EPSTI1: variants seen among roughly 807,000 people sequenced by gnomAD.
EPSTI1 encodes the protein epithelial-stromal interaction protein 1.
A neutral mutation model predicts 49.9 loss-of-function variants in EPSTI1; 66 were observed. The ratio of observed to expected loss-of-function variants is 1.32; its 90% confidence interval spans 1.08 to 1.62. The LOEUF is 1.62. Among genes scored for constraint, EPSTI1 ranks in the 40% most tolerant of loss-of-function variants. The pLI is 0.00. For synonymous variants in EPSTI1, 137 were observed against 130.7 expected, an observed-to-expected ratio of 1.05 and a Z score of -0.33; for missense variants, 394 against 365.5, an observed-to-expected ratio of 1.08 and a Z score of -0.64.
At chr13:42,926,624 A>G (rs2153421741) in intron 6 of EPSTI1, among the ~76,000 whole-genome samples, 195 bp from the exon 7 acceptor site, 1 of 152,336 alleles carries the variant, frequency 6.6e-6, no homozygotes, top group Middle Eastern at 3.4e-3. Flanking sequence ...TTCTTCAAGA[A>G]CAATATTACA....
At chr13:42,941,505 C>T (rs111243559) in intron 6 of EPSTI1, among the ~76,000 whole-genome samples, 7,199 of 151,376 alleles carry the variant, frequency 0.048, 565 homozygotes, top group African/African-American at 0.16. Flanking sequence ...CGTGTAGTCC[C>T]CCTACGTGGG....
At chr13:42,939,869 G>A (rs186057761) in intron 6 of EPSTI1, among the ~76,000 whole-genome samples, 183 of 152,262 alleles carry the variant, frequency 1.2e-3, no homozygotes, top group African/African-American at 4.1e-3. Context: ...AAAGCAAAGT[G>A]CAATAAAACA....
At chr13:42,889,805 GTTA>G (rs2036974838) in intron 10 of EPSTI1, among the ~76,000 whole-genome samples, 2 of 151,702 alleles carry the variant, frequency 1.3e-5, no homozygotes, top group Non-Finnish European at 1.5e-5. Flanking sequence ...TATCTTTTTT[GTTA>G]TTGTTGTTTA....
At chr13:42,914,766 G>C (rs1031594065) in intron 8 of EPSTI1, among the ~76,000 whole-genome samples, 2 of 152,140 alleles carry the variant, frequency 1.3e-5, no homozygotes, top group African/African-American at 4.8e-5. Flanking sequence ...AGAAGTTCAC[G>C]TGTGCTCTAT....
chr13:42,972,138 C>T (rs1469012316), intron 1 of EPSTI1, among the ~76,000 whole-genome samples: 2 of 152,102 alleles, frequency 1.3e-5, no homozygotes, highest in African/African-American at 2.4e-5. Flanking sequence ...AGATACGAGA[C>T]GTAAATGCCA....
chr13:42,959,609 C>T (rs536232798), intron 5 of EPSTI1, among the ~76,000 whole-genome samples: 5 of 152,122 alleles, frequency 3.3e-5, no homozygotes, highest in Non-Finnish European at 5.9e-5. Context: ...CCTACTTCAC[C>T]GTATAGCATT....
Position 42,888,580 on chromosome 13 carries a change from C to T in EPSTI1, c.916-78G>A, listed in dbSNP as rs185565885. 2,138 of 1,452,716 alleles carry T rather than the reference C, an allele frequency of 1.5e-3. 16 individuals carry two copies. Among genetic ancestry groups the T allele is most frequent in the South Asian group, 0.013 (939 of 73,112 alleles). The allele number at this position is 1,452,716 out of a possible 1,614,324, so 90.0% of individuals were successfully genotyped here. ...GCCTTTGTAGTCAAAAATGAAGTTC[C>T]TGCAAAGAACGCTCTTATGCATCAA... On this transcript the variant is annotated intron_variant, in intron 10 of 10. Transcript: ENST00000313624.
At chr13:42,917,494 T>G in intron 8 of EPSTI1, 47 bp downstream of exon 8, 2 of 1,448,076 alleles carry the variant, frequency 1.4e-6, no homozygotes, top group Non-Finnish European at 1.9e-6. Context: ...AATTATCTAG[T>G]ACCTCAAATA....
In EPSTI1 at chr13:42,925,482, G is replaced by T. The variant is rs759539873; in HGVS notation, c.657+854C>A. ...CTAGATGTCTCAGTGTCTGGGTGGCGCTACTGGCCCTTCATGCCCAGGGCC... is the reference window on the plus strand; with the variant it reads ...CTAGATGTCTCAGTGTCTGGGTGGCTCTACTGGCCCTTCATGCCCAGGGCC... On this transcript the variant is annotated intron_variant, in intron 7 of 10. Coordinates refer to ENST00000313624, the MANE Select transcript of EPSTI1 (RefSeq NM_033255.5). Among the ~76,000 whole-genome samples, 5 of 152,084 alleles carry T rather than the reference G, an allele frequency of 3.3e-5. No homozygotes were observed. In the East Asian group the frequency reaches 5.8e-4, roughly 18 times the overall value.
intron 6 of EPSTI1, among the ~76,000 whole-genome samples, chr13:42,931,448 A>AC (rs2153423002): frequency 6.7e-6 from 1 of 148,826 alleles, no homozygotes; most frequent in East Asian, 2.0e-4. Context: ...CTCATGATCC[A>AC]CCCGCCTCGG....
At chr13:42,936,183 C>T (rs556611675) in intron 6 of EPSTI1, among the ~76,000 whole-genome samples, 1 of 152,178 alleles carries the variant, frequency 6.6e-6, no homozygotes, top group South Asian at 2.1e-4. Context: ...TTCTGTCATC[C>T]CCTTGTGTCT....
At chr13:42,891,683 C>G (rs555318918) in intron 10 of EPSTI1, among the ~76,000 whole-genome samples, 61 of 152,236 alleles carry the variant, frequency 4.0e-4, no homozygotes, top group African/African-American at 1.4e-3. Flanking sequence ...TCATCTGGCT[C>G]TAAGTCTTTC....
intron 6 of EPSTI1, among the ~76,000 whole-genome samples, chr13:42,929,933 G>C (rs772144296): frequency 2.0e-5 from 3 of 152,156 alleles, no homozygotes; most frequent in Non-Finnish European, 4.4e-5. Context: ...GACCAGTGTG[G>C]GGCTGGCTAT....
chr13:42,982,205 C>T (rs573987350), intron 1 of EPSTI1, among the ~76,000 whole-genome samples: 8 of 152,298 alleles, frequency 5.3e-5, no homozygotes, highest in Non-Finnish European at 1.0e-4. Context: ...AGCTAAAACC[C>T]ACCAAAACCA....
chr13:42,922,116 A>G lies in EPSTI1; in HGVS notation c.657+4220T>C, dbSNP rs190189466. On this transcript the variant is annotated intron_variant, in intron 7 of 10. Transcript: ENST00000313624. This position sits in a 1 kb window ranked among gnomAD's most constrained non-coding sequence, Gnocchi z 4.8. ...TAATAGGGAAAGCTCAAATTACTGA[A>G]TAATTATAAGAATGAGAGGAAGAAA... is the stretch of plus-strand genomic sequence containing the variant. 3.1e-3 allele frequency among the ~76,000 whole-genome samples: 466 copies of G among 152,344 alleles called. 4 individuals carry two copies. Among genetic ancestry groups the G allele is most frequent in the African/African-American group, 0.011 (452 of 41,582 alleles).
In EPSTI1 at chr13:42,922,143, G is replaced by T. The variant is rs2038020061; in HGVS notation, c.657+4193C>A. On this transcript the variant is annotated intron_variant, in intron 7 of 10. Transcript: ENST00000313624. The surrounding 1 kb of genome is among the most constrained non-coding windows in gnomAD (Gnocchi z 4.8). ...AATTATAAGAATGAGAGGAAGAAAT[G>T]AGTTAATAAGGTCTAAAATTGATTA... Among the ~76,000 whole-genome samples, 1 of 152,122 alleles carries T rather than the reference G, an allele frequency of 6.6e-6. No homozygotes were observed.
chr13:42,968,920 AT>A (rs66750351), intron 3 of EPSTI1, among the ~76,000 whole-genome samples, 173 bp downstream of exon 3: 31,356 of 100,774 alleles, frequency 0.31, 4,127 homozygotes, highest in Middle Eastern at 0.48. Context: ...AAAAAAAAAA[AT>A]ACACACACAC....
chr13:42,900,604 G>A (rs1348671692), intron 8 of EPSTI1, among the ~76,000 whole-genome samples: 2 of 151,614 alleles, frequency 1.3e-5, no homozygotes, highest in Admixed American at 6.6e-5. Context: ...AAAATTGCTA[G>A]ATTAAAAGCC....
chr13:42,966,879 C>T lies in EPSTI1; in HGVS notation c.331+2215G>A, dbSNP rs375045727. 3.1e-5 allele frequency among the ~76,000 whole-genome samples: 2 copies of T among 65,432 alleles called. 1 individual carries two copies. The highest frequency in any genetic ancestry group is 6.7e-5 in the Non-Finnish European group (2 of 29,732). 42.9% of individuals were successfully genotyped at this position (65,432 alleles called of 152,430 possible). ...AAAGATTGAGAAATCGGATGGTTGC[C>T]GTGTCTGTGTAGAAAGAAGTAGACA... is the stretch of plus-strand genomic sequence containing the variant. On this transcript the variant is annotated intron_variant, in intron 3 of 10. Coordinates refer to ENST00000313624, the MANE Select transcript of EPSTI1 (RefSeq NM_033255.5).
Sources: gnomAD v4.1 joint callset for allele counts (sites outside exome capture counted in the v4.1 genomes callset) on GRCh38, gnomAD v4.1.1 for gene constraint, Gnocchi (gnomAD v3.1) non-coding constraint, MANE v1.5 for transcripts, NCBI Gene and HGNC (gene_info 2026-07-23, HGNC 2026-07-21) for gene names.